The following PHF2 variants were observed in gnomAD, a reference collection of about 807,000 sequenced individuals.
PHF2 encodes the protein lysine-specific demethylase PHF2.
PHF2 carries 27 observed loss-of-function variants against 120.5 expected under a neutral mutation model. The observed-to-expected ratio is 0.22, with a 90% CI of 0.17 to 0.31. The LOEUF is 0.31. PHF2 is among the 10% of genes least tolerant of loss of function. PHF2 has a pLI of 1.00. For missense variants in PHF2, 1,024 were observed against 1,434.8 expected (o/e 0.71, Z 4.63); for synonymous variants, 568 against 592.5 (o/e 0.96, Z 0.60).
At chr9:93,605,621 G>A (rs1444824311) in intron 1 of PHF2, among the ~76,000 whole-genome samples, 2 of 152,138 alleles carry the variant, frequency 1.3e-5, no homozygotes, top group East Asian at 1.9e-4. Flanking sequence ...TGTCTCCGTA[G>A]CTTTGCCTTT....
chr9:93,651,203 T>C (rs1163603916), intron 5 of PHF2, among the ~76,000 whole-genome samples: 3 of 151,778 alleles, frequency 2.0e-5, no homozygotes, highest in African/African-American at 7.2e-5. Context: ...GAAAGTGGTA[T>C]GTATTGCTTT....
At position 93,667,074 on chromosome 9, in the gene PHF2, C is replaced by T. The variant is rs774989566; in HGVS notation, c.2188-6C>T. On this transcript the variant is annotated splice_region_variant and splice_polypyrimidine_tract_variant and intron_variant, in intron 16 of 21. Transcript: ENST00000359246. The stretch of plus-strand genomic sequence containing the variant: ...CCTGACCGAAGCCCTGTCCCTCGCG[C>T]AGCAGAGTGATGACTCCTCGGACGA... 12 of 1,610,686 alleles carry T rather than the reference C, an allele frequency of 7.5e-6. No individual in the cohort carries two copies.
At chr9:93,612,292 C>T (rs1232656831) in intron 1 of PHF2, among the ~76,000 whole-genome samples, 1 of 151,248 alleles carries the variant, frequency 6.6e-6, no homozygotes, top group Non-Finnish European at 1.5e-5. Context: ...TCTAAAATAC[C>T]AACAGCTCCT....
At chr9:93,577,784 C>T (rs537917409) in intron 1 of PHF2, among the ~76,000 whole-genome samples, 54 of 152,286 alleles carry the variant, frequency 3.5e-4, no homozygotes, top group African/African-American at 1.2e-3. Flanking sequence ...ATGACCTGGC[C>T]CCATGCCTAG....
intron 3 of PHF2, among the ~76,000 whole-genome samples, chr9:93,642,249 A>G (rs1257807256): frequency 6.6e-6 from 1 of 152,244 alleles, no homozygotes; most frequent in African/African-American, 2.4e-5. Context: ...TGTTTTGGTC[A>G]TCTGAGTGCT....
At chr9:93,625,296 G>C (rs1298807586) in intron 1 of PHF2, among the ~76,000 whole-genome samples, 2 of 152,122 alleles carry the variant, frequency 1.3e-5, no homozygotes, top group Non-Finnish European at 2.9e-5. Flanking sequence ...CCACATTGTA[G>C]GATGTATCAG....
intron 10 of PHF2, among the ~76,000 whole-genome samples, chr9:93,658,862 TG>T (rs1826509264): frequency 6.6e-6 from 1 of 152,182 alleles, no homozygotes; most frequent in Non-Finnish European, 1.5e-5. Flanking sequence ...AGCCACTTAC[TG>T]TGTTGCTTAG....
At chr9:93,618,778 TTG>T (rs374241122) in intron 1 of PHF2, among the ~76,000 whole-genome samples, 2,331 of 144,138 alleles carry the variant, frequency 0.016, 27 homozygotes, top group Non-Finnish European at 0.025. Flanking sequence ...CTGCATGTGT[TTG>T]TGTTTGTATC....
intron 1 of PHF2, among the ~76,000 whole-genome samples, chr9:93,593,709 AAATT>A (rs1825277813): frequency 6.6e-6 from 1 of 152,238 alleles, no homozygotes; most frequent in South Asian, 2.1e-4. Flanking sequence ...TGTAAATCGG[AAATT>A]ATGCAGTCGT....
chr9:93,663,697 C>G, intron 14 of PHF2, 62 bp downstream of exon 14: 1 of 882,512 alleles, frequency 1.1e-6, no homozygotes, highest in Non-Finnish European at 1.9e-6. Context: ...ACACACCATA[C>G]ATACTGCATC....
At chr9:93,630,130 T>G (rs1587692799) in intron 2 of PHF2, 75 bp downstream of exon 2, 1 of 1,442,356 alleles carries the variant, frequency 6.9e-7, no homozygotes, top group Non-Finnish European at 9.7e-7. Flanking sequence ...GCGTGGAGGG[T>G]GAGGTCTCTG....
At chr9:93,589,999 C>T (rs192928474) in intron 1 of PHF2, among the ~76,000 whole-genome samples, 18 of 152,312 alleles carry the variant, frequency 1.2e-4, no homozygotes, top group African/African-American at 3.8e-4. Context: ...GAGGCCACTG[C>T]GGTGTTGCTC....
chr9:93,660,617 T>A, intron 12 of PHF2, 57 bp downstream of exon 12: 1 of 1,465,984 alleles, frequency 6.8e-7, no homozygotes, highest in Non-Finnish European at 9.1e-7. Flanking sequence ...GCAGCATCTC[T>A]TGTGGGCCAG....
chr9:93,660,506 C>T lies in PHF2; in HGVS notation c.1644C>T (p.Leu548=), dbSNP rs73523907. The change falls in exon 12 of 22, where the codon CTC becomes CTT. Residue 548 remains leucine (L), a synonymous_variant. Transcript: ENST00000359246. The part of the protein sequence containing the change: ...ASPTIPNLDL[L]EAHTKEALTK... Reference sequence around the variant, plus strand: ...CCACCATCCCCAACCTGGACCTGCTCGAAGCCCACACCAAGGAGGCACTGA... The same window carrying T: ...CCACCATCCCCAACCTGGACCTGCTTGAAGCCCACACCAAGGAGGCACTGA... The T allele has an allele frequency of 0.018, 28,073 of 1,602,142 alleles. 312 individuals carry two copies. Among genetic ancestry groups the T allele is most frequent in the Middle Eastern group, 0.032 (182 of 5,612 alleles).
At chr9:93,577,879 T>C (rs868003327) in intron 1 of PHF2, among the ~76,000 whole-genome samples, 1 of 152,168 alleles carries the variant, frequency 6.6e-6, no homozygotes, top group Non-Finnish European at 1.5e-5. Context: ...ACAGGTTCTC[T>C]TGCATCTGAC....
intron 1 of PHF2, among the ~76,000 whole-genome samples, chr9:93,579,113 C>G (rs368687899): frequency 2.6e-5 from 4 of 152,130 alleles, no homozygotes; most frequent in Non-Finnish European, 5.9e-5. Flanking sequence ...TCTCACAGCC[C>G]TGGGCAAATC....
chr9:93,655,144 CT>C (rs1826436589), intron 7 of PHF2, among the ~76,000 whole-genome samples: 1 of 152,160 alleles, frequency 6.6e-6, no homozygotes, highest in Non-Finnish European at 1.5e-5. Flanking sequence ...TTCTGAAGGG[CT>C]TCCTTTCCTT....
chr9:93,649,243 C>A, intron 5 of PHF2, 31 bp downstream of exon 5: 1 of 720,444 alleles, frequency 1.4e-6, no homozygotes, highest in Non-Finnish European at 2.2e-6. Flanking sequence ...GGTGTGGGGG[C>A]TGGGGTTGGG....
At chr9:93,598,590 C>T (rs1382083233) in intron 1 of PHF2, among the ~76,000 whole-genome samples, 1 of 152,042 alleles carries the variant, frequency 6.6e-6, no homozygotes, top group Non-Finnish European at 1.5e-5. Flanking sequence ...TGCAGGCATT[C>T]TGTCAGCCCC....
Sources: allele counts gnomAD v4.1 joint callset (sites outside exome capture counted in the v4.1 genomes callset), GRCh38; gene constraint gnomAD v4.1.1; transcripts MANE v1.5; gene names NCBI Gene and HGNC (gene_info 2026-07-23, HGNC 2026-07-21).